The following PRKG1 variants were observed in gnomAD, a reference collection of about 807,000 sequenced individuals.
The protein encoded by PRKG1 is protein kinase cGMP-dependent 1, also known as cGMP-dependent protein kinase 1.
Under a neutral mutation model 88.1 loss-of-function variants are expected in PRKG1, and 35 were observed. That is an observed-to-expected ratio of 0.40 (90% CI 0.30 to 0.53). The LOEUF is 0.53. PRKG1 is among the 20% of genes least tolerant of loss of function. The pLI is 0.59. For missense variants in PRKG1, 540 were observed against 839.8 expected (o/e 0.64, Z 4.41); for synonymous variants, 303 against 292.5 (o/e 1.04, Z -0.37).
chr10:52,012,245 C>CTTTCT (rs778328770), intron 5 of PRKG1, among the ~76,000 whole-genome samples: 1 of 139,186 alleles, frequency 7.2e-6, no homozygotes, highest in Non-Finnish European at 1.5e-5. Context: ...ATTTATTTGC[C>CTTTCT]TTTTTTTTTT....
intron 4 of PRKG1, among the ~76,000 whole-genome samples, chr10:51,838,380 C>T (rs181990806): frequency 1.6e-4 from 24 of 152,026 alleles, no homozygotes; most frequent in Admixed American, 5.2e-4. Context: ...TGCTAATAAG[C>T]GAAAACAACA....
chr10:51,575,455 G>A (rs1837862783), intron 3 of PRKG1, among the ~76,000 whole-genome samples: 2 of 151,842 alleles, frequency 1.3e-5, no homozygotes, highest in African/African-American at 2.4e-5. Context: ...TTGCTTCTTG[G>A]ATTGAGATAT....
At chr10:52,207,957 A>G (rs1839864180) in intron 9 of PRKG1, among the ~76,000 whole-genome samples, 1 of 152,088 alleles carries the variant, frequency 6.6e-6, no homozygotes, top group African/African-American at 2.4e-5. Flanking sequence ...AGCATCTAGT[A>G]GTCCTTCTTG....
At chr10:51,995,994 C>T (rs531927693) in intron 5 of PRKG1, among the ~76,000 whole-genome samples, 6 of 151,974 alleles carry the variant, frequency 3.9e-5, no homozygotes, top group Non-Finnish European at 8.8e-5. Context: ...AGCTTCTGCA[C>T]GGCAAAGGAA....
chr10:51,728,048 GTTTAAAA>G (rs1444208557), intron 3 of PRKG1, among the ~76,000 whole-genome samples: 2 of 152,020 alleles, frequency 1.3e-5, no homozygotes, highest in Non-Finnish European at 2.9e-5. Flanking sequence ...CTCCTTCAGA[GTTTAAAA>G]TTTAAACCAC....
At chr10:52,073,395 T>C (rs1846551892) in intron 7 of PRKG1, among the ~76,000 whole-genome samples, 1 of 152,152 alleles carries the variant, frequency 6.6e-6, no homozygotes, top group Admixed American at 6.5e-5. Context: ...ACTTTTCTCC[T>C]CAAAGGCTTG....
intron 3 of PRKG1, among the ~76,000 whole-genome samples, chr10:51,761,896 T>A (rs7902942): frequency 0.38 from 58,362 of 151,992 alleles, 11,870 homozygotes; most frequent in Middle Eastern, 0.54. Context: ...TATTGTGGAT[T>A]ATGTTTTTAA....
intron 2 of PRKG1, among the ~76,000 whole-genome samples, chr10:51,392,754 C>T (rs1186668414): frequency 1.6e-4 from 22 of 134,876 alleles, no homozygotes; most frequent in Middle Eastern, 4.1e-3. Flanking sequence ...GCTGGCCGGG[C>T]GGGGGGCTGA....
chr10:51,196,202 T>C (rs1837760509), intron 2 of PRKG1, among the ~76,000 whole-genome samples: 1 of 152,198 alleles, frequency 6.6e-6, no homozygotes, highest in South Asian at 2.1e-4. Context: ...AAAACCTTTC[T>C]GTATCCCAGA....
chr10:51,714,881 T>A (rs1041005354), intron 3 of PRKG1, among the ~76,000 whole-genome samples: 35 of 152,334 alleles, frequency 2.3e-4, no homozygotes, highest in African/African-American at 8.2e-4. Context: ...TATTAGAGAA[T>A]TACATGCAAC....
chr10:51,822,240 C>A (rs367816297), intron 4 of PRKG1, among the ~76,000 whole-genome samples: 1 of 151,522 alleles, frequency 6.6e-6, no homozygotes, highest in South Asian at 2.1e-4. Context: ...TATTATTGAG[C>A]CTTAAAAAGA....
At chr10:52,116,503 A>C (rs778851552) in intron 7 of PRKG1, among the ~76,000 whole-genome samples, 7 of 152,148 alleles carry the variant, frequency 4.6e-5, no homozygotes, top group Non-Finnish European at 1.0e-4. Context: ...AGAAAATTTC[A>C]CCAACGTGAT....
At chr10:51,623,502 A>G (rs1268858514) in intron 3 of PRKG1, among the ~76,000 whole-genome samples, 1 of 152,234 alleles carries the variant, frequency 6.6e-6, no homozygotes, top group Non-Finnish European at 1.5e-5. Flanking sequence ...TATTGTGCAC[A>G]ACCACAATTT....
intron 2 of PRKG1, among the ~76,000 whole-genome samples, chr10:51,193,551 A>G (rs931669174): frequency 1.3e-5 from 2 of 152,054 alleles, no homozygotes; most frequent in African/African-American, 2.4e-5. Flanking sequence ...CATCTTTTGG[A>G]CACCTAACTG....
intron 3 of PRKG1, among the ~76,000 whole-genome samples, chr10:51,535,785 C>T (rs2132102551): frequency 6.7e-6 from 1 of 149,396 alleles, no homozygotes; most frequent in East Asian, 2.0e-4. Flanking sequence ...AGTGAAATGG[C>T]ACGATATCAG....
At chr10:51,253,994 G>A (rs1234280423) in intron 2 of PRKG1, among the ~76,000 whole-genome samples, 1 of 151,920 alleles carries the variant, frequency 6.6e-6, no homozygotes, top group Non-Finnish European at 1.5e-5. Context: ...TGATCATTAT[G>A]GATAAATTTG....
chr10:51,749,444 G>T (rs185303895), intron 3 of PRKG1, among the ~76,000 whole-genome samples: 1 of 152,204 alleles, frequency 6.6e-6, no homozygotes, highest in African/African-American at 2.4e-5. Context: ...TTCCCTTGGT[G>T]ACTGGAAAGG....
intron 7 of PRKG1, among the ~76,000 whole-genome samples, chr10:52,092,549 C>T (rs929664395): frequency 6.6e-6 from 1 of 152,134 alleles, no homozygotes; most frequent in Admixed American, 6.6e-5. Flanking sequence ...TTACCCCCTT[C>T]AGCATAGAGT....
chr10:51,589,587 C>T (rs1838257284), intron 3 of PRKG1, among the ~76,000 whole-genome samples: 1 of 152,166 alleles, frequency 6.6e-6, no homozygotes, highest in Non-Finnish European at 1.5e-5. Flanking sequence ...CGTGCCACTG[C>T]ACTCCAGCCT....
Sources: allele counts gnomAD v4.1 joint callset (sites outside exome capture counted in the v4.1 genomes callset), GRCh38; gene constraint gnomAD v4.1.1; transcripts MANE v1.5; gene names NCBI Gene and HGNC (gene_info 2026-07-23, HGNC 2026-07-21).